MARK3: variants seen among roughly 807,000 people sequenced by gnomAD.
MARK3 encodes MAP/microtubule affinity-regulating kinase 3.
Under a neutral mutation model 90.1 loss-of-function variants are expected in MARK3, and 46 were observed. That is an observed-to-expected ratio of 0.51 (90% confidence interval 0.40 to 0.65). The LOEUF (loss-of-function observed/expected upper bound fraction) is 0.65. Ranked by LOEUF, MARK3 falls within the 30% of genes least tolerant of loss-of-function variation. MARK3 has a pLI of 0.00. For missense variants in MARK3, 818 were observed against 947.2 expected (o/e 0.86, Z 1.79); for synonymous variants, 321 against 332.6 (o/e 0.97, Z 0.38).
At chr14:103,429,547 G>T (rs2092516302) in intron 3 of MARK3, among the ~76,000 whole-genome samples, 1 of 152,108 alleles carries the variant, frequency 6.6e-6, no homozygotes, top group African/African-American at 2.4e-5. Flanking sequence ...TTTGGGAGGT[G>T]GGGAGGGAGA....
chr14:103,499,850 G>T (rs1012373240), intron 16 of MARK3: 13 of 176,454 alleles, frequency 7.4e-5, no homozygotes, highest in African/African-American at 3.7e-4. Context: ...AGTGCCCGCT[G>T]TGCGTGCGTG....
intron 14 of MARK3, among the ~76,000 whole-genome samples, chr14:103,487,039 C>T (rs2093942658): frequency 6.6e-6 from 1 of 151,814 alleles, no homozygotes; most frequent in Non-Finnish European, 1.5e-5. Flanking sequence ...ACCTCAGCCT[C>T]CTGAGTAGCT....
At chr14:103,444,281 C>G (rs549362333) in intron 3 of MARK3, among the ~76,000 whole-genome samples, 1 of 152,036 alleles carries the variant, frequency 6.6e-6, no homozygotes, top group African/African-American at 2.4e-5. Flanking sequence ...GATTCCAAAT[C>G]TTTGCCTTCA....
In MARK3 at chr14:103,475,209, G is replaced by C. The variant is rs754681871; in HGVS notation, c.1481G>C (p.Ser494Thr). The change falls in exon 13 of 18, where the codon AGT (serine) becomes ACT (threonine). Residue 494 changes from serine (S) to threonine (T), a missense_variant and splice_region_variant. By Grantham distance (58) the Ser-to-Thr change is moderately conservative (BLOSUM62 1). Coordinates refer to ENST00000429436, the MANE Select transcript of MARK3 (RefSeq NM_001128918.3). ...CGCAAGAAAAGCTCCACTGTCCCTA[G>C]TGTAAGTGTTGTTGAACTATAGAGT... is the stretch of plus-strand genomic sequence containing the variant. ...PERKKSSTVPSSNTASGGMTR... is the reference protein window; with the variant it reads ...PERKKSSTVPTSNTASGGMTR... 1 of 1,612,678 alleles carries C rather than the reference G, an allele frequency of 6.2e-7. No individual in the cohort carries two copies. The highest frequency in any genetic ancestry group is 8.5e-7 in the Non-Finnish European group (1 of 1,179,832).
Position 103,465,980 on chromosome 14 carries a change from A to G in MARK3, c.786A>G (p.Arg262=). 1 of 1,613,172 alleles carries G rather than the reference A, an allele frequency of 6.2e-7. No homozygotes were observed. Among genetic ancestry groups the G allele is most frequent in the Non-Finnish European group, 8.5e-7 (1 of 1,179,696 alleles). ...PFDGQNLKEL[R]ERVLRGKYRI... is the part of the protein sequence containing the mutation. ...TCTGTACCTCTCCAAAGGAACTGAGAGAGAGAGTATTAAGAGGGAAATACA... is the reference window on the plus strand; with the variant it reads ...TCTGTACCTCTCCAAAGGAACTGAGGGAGAGAGTATTAAGAGGGAAATACA... The change falls in exon 9 of 18, where the codon AGA becomes AGG. Residue 262 remains arginine, a synonymous_variant. Transcript: ENST00000429436.
At chr14:103,502,741 AC>A (rs2075739769) in intron 17 of MARK3, 140 bp from the exon 18 acceptor site, 3 of 650,904 alleles carry the variant, frequency 4.6e-6, no homozygotes, top group Non-Finnish European at 7.8e-6. Flanking sequence ...AGACTTAGTT[AC>A]AAATGTGAGT....
intron 14 of MARK3, among the ~76,000 whole-genome samples, chr14:103,486,043 C>T (rs1406101822): frequency 6.6e-6 from 1 of 152,104 alleles, no homozygotes; most frequent in African/African-American, 2.4e-5. Flanking sequence ...CCATGTAATC[C>T]CAGCACTTTG....
At chr14:103,411,708 C>T (rs2091642497) in intron 2 of MARK3, among the ~76,000 whole-genome samples, 1 of 151,972 alleles carries the variant, frequency 6.6e-6, no homozygotes, top group Non-Finnish European at 1.5e-5. Flanking sequence ...CTGCAACCTC[C>T]ACCTCCCGGG....
At chr14:103,491,034 T>G in intron 14 of MARK3, 1 of 1,288,786 alleles carries the variant, frequency 7.8e-7, no homozygotes, top group East Asian at 5.6e-5. Flanking sequence ...GAAGTCGATG[T>G]CCATGTCAGC....
At chr14:103,470,409 G>GAT (rs2093602332) in intron 12 of MARK3, among the ~76,000 whole-genome samples, 1 of 145,688 alleles carries the variant, frequency 6.9e-6, no homozygotes, top group Non-Finnish European at 1.5e-5. Flanking sequence ...TAACATTGCA[G>GAT]ATATTTCCTT....
intron 1 of MARK3, chr14:103,386,296 C>G (rs1345708471): frequency 1.4e-6 from 1 of 702,318 alleles, no homozygotes; most frequent in Non-Finnish European, 2.6e-6. Context: ...TCGATTATGC[C>G]GGCAGTCTAG....
At chr14:103,408,331 GCA>G (rs1435083152) in intron 2 of MARK3, among the ~76,000 whole-genome samples, 3 of 152,066 alleles carry the variant, frequency 2.0e-5, no homozygotes, top group Admixed American at 6.5e-5. Flanking sequence ...GGGATTACAG[GCA>G]CACGCCACCG....
At position 103,462,511 on chromosome 14, in the gene MARK3, T is replaced by A. The variant is rs773392926; in HGVS notation, c.540+50T>A. On this transcript the variant is annotated intron_variant, in intron 7 of 17. Transcript: ENST00000429436. Reference sequence around the variant, plus strand: ...GTATGCTCTGTCTGTTTGTGTGCAGTTCTCTCAGTGGTCATTACACAAATG... The same window carrying A: ...GTATGCTCTGTCTGTTTGTGTGCAGATCTCTCAGTGGTCATTACACAAATG... The A allele has an allele frequency of 2.1e-6, 3 of 1,400,008 alleles. No homozygotes were observed. The East Asian group carries it at 7.0e-5, about 33-fold the overall frequency. 86.7% of individuals were successfully genotyped at this position (1,400,008 alleles called of 1,614,324 possible).
Position 103,386,081 on chromosome 14 carries a change from G to GT in MARK3, c.51+2dup. On this transcript the variant is annotated splice_donor_variant, in intron 1 of 17. Coordinates refer to ENST00000429436, the MANE Select transcript of MARK3 (RefSeq NM_001128918.3). LOFTEE classifies it high-confidence loss of function. The stretch of plus-strand genomic sequence containing the variant: ...GGTGAATGAACGAGACACTGAAAAC[G>GT]TAAGTAACCTGGGCGTTGTAGTTGG... 1 of 1,614,168 alleles carries GT rather than the reference G, an allele frequency of 6.2e-7. No homozygotes were observed. Among genetic ancestry groups the GT allele is most frequent in the Non-Finnish European group, 8.5e-7 (1 of 1,179,946 alleles).
chr14:103,420,720 C>G (rs13379421), intron 2 of MARK3, among the ~76,000 whole-genome samples: 7,153 of 151,996 alleles, frequency 0.047, 595 homozygotes, highest in African/African-American at 0.17. Context: ...TTTACCTGTT[C>G]GAAAAAATTT....
intron 2 of MARK3, among the ~76,000 whole-genome samples, chr14:103,407,090 A>G (rs2091346463): frequency 6.6e-6 from 1 of 151,632 alleles, no homozygotes; most frequent in African/African-American, 2.4e-5. Context: ...TCAGCCTCCC[A>G]CAGTGCTGGG....
chr14:103,474,759 AC>A (rs1207597965), intron 12 of MARK3, among the ~76,000 whole-genome samples: 4 of 150,844 alleles, frequency 2.7e-5, no homozygotes, highest in African/African-American at 1.0e-4. Flanking sequence ...CTAAACTCTT[AC>A]TATTAAAAAA....
intron 5 of MARK3, among the ~76,000 whole-genome samples, chr14:103,452,672 C>T (rs991465668): frequency 2.6e-5 from 4 of 151,462 alleles, no homozygotes; most frequent in South Asian, 2.1e-4. Flanking sequence ...GGGGTTTCAC[C>T]GTGTTAGCCA....
At position 103,449,099 on chromosome 14, in the gene MARK3, G is replaced by T. The variant is rs142708507; in HGVS notation, c.346+132G>T. On this transcript the variant is annotated intron_variant, in intron 4 of 17. Transcript: ENST00000429436. Reference sequence around the variant, plus strand: ...TATATATACAAGTTGTTGATCATTTGTATTAGCTTTTTGAAATTGCTGAAG... The same window carrying T: ...TATATATACAAGTTGTTGATCATTTTTATTAGCTTTTTGAAATTGCTGAAG... 6 of 1,063,044 alleles carry T rather than the reference G, an allele frequency of 5.6e-6. No individual in the cohort carries two copies. The African/African-American group carries it at 8.2e-5, about 14-fold the overall frequency. 65.9% of individuals were successfully genotyped at this position (1,063,044 alleles called of 1,614,324 possible).
Sources: gnomAD v4.1 joint callset for allele counts (sites outside exome capture counted in the v4.1 genomes callset) on GRCh38, gnomAD v4.1.1 for gene constraint, MANE v1.5 for transcripts, NCBI Gene and HGNC (gene_info 2026-07-23, HGNC 2026-07-21) for gene names.